CD247: variants seen among roughly 807,000 people sequenced by gnomAD.
CD247 encodes the protein T-cell surface glycoprotein CD3 zeta chain.
Under a neutral mutation model 30.0 loss-of-function variants are expected in CD247, and 13 were observed. That is an observed-to-expected ratio of 0.43 (90% confidence interval 0.28 to 0.69). The LOEUF (loss-of-function observed/expected upper bound fraction) is 0.69. CD247 is among the 30% of genes least tolerant of loss of function. The pLI, the probability that CD247 is intolerant of heterozygous loss-of-function variation, is 0.16. For missense variants in CD247, 193 were observed against 212.6 expected (o/e 0.91, Z 0.57); for synonymous variants, 72 against 80.0 (o/e 0.90, Z 0.53).
chr1:167,481,480 A>G (rs1653971498), intron 1 of CD247, among the ~76,000 whole-genome samples: 1 of 152,074 alleles, frequency 6.6e-6, no homozygotes, highest in Non-Finnish European at 1.5e-5. Context: ...CAGAGGGAGG[A>G]TGGGTTCATA....
At chr1:167,472,780 T>C (rs1203552824) in intron 1 of CD247, among the ~76,000 whole-genome samples, 3 of 152,132 alleles carry the variant, frequency 2.0e-5, no homozygotes, top group Non-Finnish European at 4.4e-5. Flanking sequence ...ACATTACTAA[T>C]CTTGTGTCTG....
At chr1:167,441,500 AC>A (rs1230865308) in intron 1 of CD247, among the ~76,000 whole-genome samples, 2 of 151,014 alleles carry the variant, frequency 1.3e-5, no homozygotes, top group Admixed American at 1.3e-4. Context: ...CACTACACAC[AC>A]CCCATTCCCA....
chr1:167,474,474 A>G (rs1325407906), intron 1 of CD247, among the ~76,000 whole-genome samples: 1 of 152,090 alleles, frequency 6.6e-6, no homozygotes, highest in Non-Finnish European at 1.5e-5. Flanking sequence ...AGATCTTTTT[A>G]GATAACAGTG....
intron 1 of CD247, among the ~76,000 whole-genome samples, chr1:167,492,031 AT>A (rs1479026187): frequency 6.6e-6 from 1 of 152,190 alleles, no homozygotes; most frequent in Non-Finnish European, 1.5e-5. Flanking sequence ...AATGAAAAGA[AT>A]TCTAGAGACG....
intron 1 of CD247, among the ~76,000 whole-genome samples, chr1:167,490,571 C>A (rs1371917155): frequency 3.9e-5 from 6 of 151,994 alleles, no homozygotes; most frequent in Non-Finnish European, 4.4e-5. Context: ...TGCAGCGAGC[C>A]GAGATCGCGC....
At chr1:167,440,579 T>G in intron 2 of CD247, 85 bp downstream of exon 2, 11 of 895,232 alleles carry the variant, frequency 1.2e-5, no homozygotes, top group East Asian at 7.5e-5. Flanking sequence ...CACCCGAGCT[T>G]GAGACCTTCC....
chr1:167,438,876 T>A (rs1651678156), intron 3 of CD247, among the ~76,000 whole-genome samples: 1 of 152,118 alleles, frequency 6.6e-6, no homozygotes, highest in Non-Finnish European at 1.5e-5. Context: ...GGTCACCAAG[T>A]ACTATAGGCT....
In CD247 at chr1:167,464,855, G is replaced by A. The variant is rs80269718; in HGVS notation, c.59-24088C>T. On this transcript the variant is annotated intron_variant, in intron 1 of 7. Transcript: ENST00000362089. ...AAAGAAGAATAGAAGTACAGTTACC[G>A]AAAAGGCCCCAAGATCGCACTATTT... 5.4e-3 allele frequency among the ~76,000 whole-genome samples: 818 copies of A among 152,118 alleles called. 7 individuals are homozygous for A. The highest frequency in any genetic ancestry group is 0.019 in the African/African-American group (778 of 41,502).
At chr1:167,466,240 T>C (rs993123372) in intron 1 of CD247, among the ~76,000 whole-genome samples, 1 of 152,186 alleles carries the variant, frequency 6.6e-6, no homozygotes, top group African/African-American at 2.4e-5. Context: ...TAGAAGTACC[T>C]AAAATCAAAC....
intron 1 of CD247, among the ~76,000 whole-genome samples, chr1:167,450,700 G>A (rs1652312263): frequency 6.6e-6 from 1 of 152,016 alleles, no homozygotes; most frequent in Admixed American, 6.5e-5. Flanking sequence ...AGATCACTAG[G>A]TCAGGAGCTC....
At chr1:167,518,307 G>A in intron 1 of CD247, 101 bp downstream of exon 1, 1 of 1,093,640 alleles carries the variant, frequency 9.1e-7, no homozygotes. Flanking sequence ...GGATTTGAAG[G>A]AGACCCCAGC....
At chr1:167,446,851 CG>C (rs2102004536) in intron 1 of CD247, among the ~76,000 whole-genome samples, 1 of 152,248 alleles carries the variant, frequency 6.6e-6, no homozygotes, top group Non-Finnish European at 1.5e-5. Flanking sequence ...AAAAATTAGC[CG>C]GGCGTGGTGG....
At chr1:167,436,641 A>C (rs61636073) in intron 4 of CD247, among the ~76,000 whole-genome samples, 7,219 of 152,328 alleles carry the variant, frequency 0.047, 422 homozygotes, top group East Asian at 0.13. Flanking sequence ...ATAAGGCCTG[A>C]AACTGTAAAA....
At chr1:167,476,479 A>T (rs1377570720) in intron 1 of CD247, among the ~76,000 whole-genome samples, 3 of 152,234 alleles carry the variant, frequency 2.0e-5, no homozygotes, top group African/African-American at 7.2e-5. Flanking sequence ...ATAAAATAGT[A>T]TAATATATAG....
At chr1:167,493,571 T>C (rs1654545661) in intron 1 of CD247, among the ~76,000 whole-genome samples, 1 of 152,114 alleles carries the variant, frequency 6.6e-6, no homozygotes, top group South Asian at 2.1e-4. Context: ...CATTTTATAG[T>C]TGGGGATACT....
chr1:167,492,081 G>A (rs1416299941), intron 1 of CD247, among the ~76,000 whole-genome samples: 1 of 152,118 alleles, frequency 6.6e-6, no homozygotes, highest in East Asian at 1.9e-4. Flanking sequence ...GAATGTACTT[G>A]ACATCACTCA....
chr1:167,513,530 C>A (rs1162453341), intron 1 of CD247, among the ~76,000 whole-genome samples: 1 of 152,086 alleles, frequency 6.6e-6, no homozygotes. Flanking sequence ...CTGGATCAAA[C>A]CAGACTAATA....
At chr1:167,481,919 T>A (rs537451344) in intron 1 of CD247, among the ~76,000 whole-genome samples, 2 of 152,338 alleles carry the variant, frequency 1.3e-5, no homozygotes, top group South Asian at 4.1e-4. Flanking sequence ...ACTCTAGGCC[T>A]CTGACCAAGT....
intron 1 of CD247, among the ~76,000 whole-genome samples, chr1:167,453,029 T>TATATATTATATATATATATTATAG (rs1298169509): frequency 3.1e-3 from 49 of 15,758 alleles, no homozygotes; most frequent in Non-Finnish European, 7.9e-3. Context: ...ATATTATAGA[T>TATATATTATATATATATATTATAG]ATATATTATA....
Sources: gnomAD v4.1 joint callset for allele counts (sites outside exome capture counted in the v4.1 genomes callset) on GRCh38, gnomAD v4.1.1 for gene constraint, MANE v1.5 for transcripts, NCBI Gene and HGNC (gene_info 2026-07-23, HGNC 2026-07-21) for gene names.